ADRA1B: variants seen among roughly 807,000 people sequenced by gnomAD.
ADRA1B encodes alpha-1B adrenergic receptor.
In ADRA1B, 17 loss-of-function variants were observed where a neutral mutation model predicts 17.9. The ratio of observed to expected loss-of-function variants is 0.95; its 90% CI spans 0.65 to 1.42. The LOEUF (loss-of-function observed/expected upper bound fraction) is 1.42. ADRA1B is among the 40% of genes most tolerant of loss of function. ADRA1B has a pLI of 0.00. For missense variants in ADRA1B, 681 were observed against 722.1 expected (o/e 0.94, Z 0.65); for synonymous variants, 366 against 327.6 (o/e 1.12, Z -1.27).
At chr5:159,907,241 C>T (rs572749784) in intron 1 of ADRA1B, among the ~76,000 whole-genome samples, 13 of 152,318 alleles carry the variant, frequency 8.5e-5, no homozygotes, top group Middle Eastern at 3.4e-3. Context: ...ACACCCACAC[C>T]GGCTTGATCT....
intron 1 of ADRA1B, among the ~76,000 whole-genome samples, chr5:159,966,936 T>C (rs781059771): frequency 2.0e-5 from 3 of 152,042 alleles, no homozygotes; most frequent in Non-Finnish European, 2.9e-5. Context: ...CCTTGTGGGG[T>C]GGGGAGAGAA....
At chr5:159,946,848 C>A (rs1274297117) in intron 1 of ADRA1B, among the ~76,000 whole-genome samples, 1 of 152,178 alleles carries the variant, frequency 6.6e-6, no homozygotes, top group Non-Finnish European at 1.5e-5. Flanking sequence ...GAGTGTAGGA[C>A]CACGACACAT....
At chr5:159,941,751 G>T (rs552708359) in intron 1 of ADRA1B, among the ~76,000 whole-genome samples, 1 of 152,134 alleles carries the variant, frequency 6.6e-6, no homozygotes, top group Non-Finnish European at 1.5e-5. Flanking sequence ...CCTTGAAACC[G>T]ATACGCTAAG....
At chr5:159,882,084 G>A (rs138771932) in intron 1 of ADRA1B, among the ~76,000 whole-genome samples, 18 of 152,296 alleles carry the variant, frequency 1.2e-4, no homozygotes, top group African/African-American at 4.3e-4. Flanking sequence ...CTTCCTCCCT[G>A]TGTGCATAAA....
chr5:159,974,756 A>T (rs189578804), downstream of ADRA1B, among the ~76,000 whole-genome samples: 2 of 152,300 alleles, frequency 1.3e-5, no homozygotes, highest in African/African-American at 4.8e-5. Context: ...TTACATTTTC[A>T]TTCAATTTTA....
At position 159,964,295 on chromosome 5, in the gene ADRA1B, T is replaced by C. The variant is rs142078731; in HGVS notation, c.950-7584T>C. Among the ~76,000 whole-genome samples, 126 of 152,326 alleles carry C rather than the reference T, an allele frequency of 8.3e-4. 4 individuals are homozygous for C. In the East Asian group the frequency reaches 0.021, roughly 25 times the overall value. The stretch of plus-strand genomic sequence containing the variant: ...TGCCTCTCAGTTTAGGGCCAAAATG[T>C]CTTCAGCACCTCTCAACCACTGCTA... On this transcript the variant is annotated intron_variant, in intron 1 of 1. Coordinates refer to ENST00000306675, the MANE Select transcript of ADRA1B (RefSeq NM_000679.4).
In ADRA1B at chr5:159,972,251, T is replaced by G. The variant is rs1755887713; in HGVS notation, c.1322T>G (p.Leu441Arg). The G allele has an allele frequency of 1.5e-6, 2 of 1,329,446 alleles. No individual in the cohort carries two copies. Among genetic ancestry groups the G allele is most frequent in the Non-Finnish European group, 1.9e-6 (2 of 1,039,098 alleles). The allele number at this position is 1,329,446 out of a possible 1,614,324, so 82.4% of individuals were successfully genotyped here. ...CGCGGCGCGCCACCGCCAGTCGAGC[T>G]GTGCGCCTTCCCCGAGTGGAAGGCG... is the stretch of plus-strand genomic sequence containing the variant. ...LGRGAPPPVE[L>R]CAFPEWKAPG... Residue 441 changes from leucine (L) to arginine (R), a missense_variant, in exon 2 of 2, where the codon CTG (leucine) becomes CGG (arginine). Around this residue, in one of 3 missense-constraint regions of ADRA1B, gnomAD observed 251 missense variants for 224.9 expected, o/e 1.12. Transcript: ENST00000306675.
intron 1 of ADRA1B, among the ~76,000 whole-genome samples, chr5:159,877,233 C>G (rs911671624): frequency 2.0e-5 from 3 of 152,120 alleles, no homozygotes; most frequent in African/African-American, 7.2e-5. Context: ...CCTGTGTCTC[C>G]CCTCCACCCT....
chr5:159,978,356 G>A, the ADRA1B span, among the ~76,000 whole-genome samples: 2,620 of 152,294 alleles, frequency 0.017, 37 homozygotes, highest in Middle Eastern at 0.068. Context: ...CCTCTAAATT[G>A]ATGGAGCAGT....
chr5:159,945,808 C>T (rs1408618832), intron 1 of ADRA1B, among the ~76,000 whole-genome samples: 21 of 149,476 alleles, frequency 1.4e-4, no homozygotes, highest in African/African-American at 4.2e-4. Flanking sequence ...AGTGCAGTGG[C>T]GCGATCTCGG....
intron 1 of ADRA1B, among the ~76,000 whole-genome samples, chr5:159,929,393 T>A (rs1399270974): frequency 4.6e-5 from 7 of 152,052 alleles, no homozygotes; most frequent in Admixed American, 6.5e-5. Context: ...CCCACTTTCC[T>A]ATCAAAGGAA....
intron 1 of ADRA1B, chr5:159,947,559 T>C (rs1755310964): frequency 3.8e-6 from 1 of 265,112 alleles, no homozygotes; most frequent in Admixed American, 6.5e-5. Flanking sequence ...ACTTGGTTGT[T>C]GCAATAAGCC....
chr5:159,869,370 T>C (rs552165918), intron 1 of ADRA1B: 1 of 152,326 alleles, frequency 6.6e-6, no homozygotes, highest in Non-Finnish European at 1.5e-5. Context: ...ATCAGAGCTA[T>C]ATGAGAGGAA....
At chr5:159,883,420 C>T (rs1015882890) in intron 1 of ADRA1B, among the ~76,000 whole-genome samples, 1 of 152,244 alleles carries the variant, frequency 6.6e-6, no homozygotes, top group Non-Finnish European at 1.5e-5. Context: ...CCTTCTCTAA[C>T]AGACTATCCA....
At chr5:159,961,028 A>G (rs1755656527) in intron 1 of ADRA1B, among the ~76,000 whole-genome samples, 1 of 152,244 alleles carries the variant, frequency 6.6e-6, no homozygotes, top group Admixed American at 6.5e-5. Context: ...GTTCAAAGGG[A>G]CAAATGCCAC....
intron 1 of ADRA1B, among the ~76,000 whole-genome samples, chr5:159,941,619 A>G (rs557911228): frequency 6.6e-6 from 1 of 152,368 alleles, no homozygotes; most frequent in African/African-American, 2.4e-5. Context: ...AAAGAAGGAA[A>G]TAACTCAAAT....
At chr5:159,962,903 TTTTC>T (rs1227861009) in intron 1 of ADRA1B, among the ~76,000 whole-genome samples, 10 of 146,128 alleles carry the variant, frequency 6.8e-5, no homozygotes, top group African/African-American at 7.6e-5. Context: ...TTTCTTTTTC[TTTTC>T]TTTCTTTCTT....
Position 159,917,243 on chromosome 5 carries a change from T to TG in ADRA1B, c.342dup (p.Arg115AlafsTer5). ...CTAGAGGTGCTCGGCTACTGGGTGCTGGGGCGGATCTTCTGTGACATCTGG... is the reference window on the plus strand; with the variant it reads ...CTAGAGGTGCTCGGCTACTGGGTGCTGGGGGCGGATCTTCTGTGACATCTGG... On this transcript the variant is annotated frameshift_variant, in exon 1 of 2. Coordinates refer to ENST00000306675, the MANE Select transcript of ADRA1B (RefSeq NM_000679.4). LOFTEE classifies it high-confidence loss of function. 1 of 1,614,156 alleles carries TG rather than the reference T, an allele frequency of 6.2e-7. No individual in the cohort carries two copies. Among genetic ancestry groups the TG allele is most frequent in the Non-Finnish European group, 8.5e-7 (1 of 1,180,030 alleles).
intron 1 of ADRA1B, among the ~76,000 whole-genome samples, chr5:159,891,615 C>T (rs965569458): frequency 4.6e-5 from 7 of 152,120 alleles, no homozygotes; most frequent in African/African-American, 1.2e-4. Context: ...GGTGGAAAGG[C>T]GCAAAATAAA....
Sources: gnomAD v4.1 joint callset for allele counts (sites outside exome capture counted in the v4.1 genomes callset) on GRCh38, gnomAD v4.1.1 for gene constraint, gnomAD v4.1.1 regional missense constraint, MANE v1.5 for transcripts, NCBI Gene and HGNC (gene_info 2026-07-23, HGNC 2026-07-21) for gene names.